SNTG2: variants seen among roughly 807,000 people sequenced by gnomAD.
The protein encoded by SNTG2 is gamma-2-syntrophin.
SNTG2 carries 74 observed loss-of-function variants against 70.9 expected under a neutral mutation model. The observed-to-expected ratio is 1.04, with a 90% confidence interval of 0.86 to 1.27. The LOEUF is 1.27. SNTG2 is among the 50% of genes most tolerant of loss of function. The pLI is 0.00. For missense variants in SNTG2, 717 were observed against 690.7 expected, an observed-to-expected ratio of 1.04 and a Z score of -0.43; for synonymous variants, 278 against 273.8, an observed-to-expected ratio of 1.02 and a Z score of -0.15.
chr2:1,051,328 C>T (rs1004813015), intron 1 of SNTG2, among the ~76,000 whole-genome samples: 7 of 152,110 alleles, frequency 4.6e-5, no homozygotes, highest in East Asian at 3.9e-4. Flanking sequence ...TCAAGCTTTA[C>T]GCTGAGTATG....
At chr2:1,152,578 G>A (rs548533130) in intron 6 of SNTG2, among the ~76,000 whole-genome samples, 1 of 5,026 alleles carries the variant, frequency 2.0e-4, no homozygotes, top group Admixed American at 3.1e-3. Context: ...ACATGTGCAT[G>A]TGTGTGTGTG....
intron 8 of SNTG2, among the ~76,000 whole-genome samples, chr2:1,178,224 G>C (rs1572654792): frequency 6.6e-6 from 1 of 152,234 alleles, no homozygotes; most frequent in East Asian, 1.9e-4. Context: ...GGGTTTTCTA[G>C]ATATACAATC....
rs530178230 is a variant in SNTG2, at chr2:998,408, T to C, written c.72+47340T>C. Among the ~76,000 whole-genome samples, 123 of 151,476 alleles carry C rather than the reference T, an allele frequency of 8.1e-4. 1 individual carries two copies. The highest frequency in any genetic ancestry group is 1.6e-4 in the Non-Finnish European group (11 of 67,824). On this transcript the variant is annotated intron_variant, in intron 1 of 16. Coordinates refer to ENST00000308624, the MANE Select transcript of SNTG2 (RefSeq NM_018968.4). ...ACAACAGAAAGAAATCGGAAAAAAA[T>C]CAAATTAGGACATGAAGGAAAAATT...
intron 13 of SNTG2, among the ~76,000 whole-genome samples, chr2:1,266,466 T>C (rs1678740696): frequency 6.6e-6 from 1 of 152,208 alleles, no homozygotes; most frequent in Non-Finnish European, 1.5e-5. Context: ...GTTAAACGAT[T>C]AACCAGAAAT....
intron 6 of SNTG2, among the ~76,000 whole-genome samples, chr2:1,159,713 G>T (rs1670148455): frequency 6.6e-6 from 1 of 152,180 alleles, no homozygotes; most frequent in Non-Finnish European, 1.5e-5. Flanking sequence ...AAAAAAGAAA[G>T]AAATAATAAA....
Position 1,196,735 on chromosome 2 carries a change from C to A in SNTG2, c.592-12368C>A, listed in dbSNP as rs1221021866. Among the ~76,000 whole-genome samples, 4 of 151,858 alleles carry A rather than the reference C, an allele frequency of 2.6e-5. No homozygotes were observed. In the South Asian group the frequency reaches 8.3e-4, roughly 32 times the overall value. On this transcript the variant is annotated intron_variant, in intron 8 of 16. Transcript: ENST00000308624. ...AAAATGAGATGATACATTCAAAGTACTAAAAGAAAAAAAACACTTCTAGCC... is the reference window on the plus strand; with the variant it reads ...AAAATGAGATGATACATTCAAAGTAATAAAAGAAAAAAAACACTTCTAGCC...
chr2:1,193,519 A>C (rs1223710945), intron 8 of SNTG2, among the ~76,000 whole-genome samples: 1 of 152,236 alleles, frequency 6.6e-6, no homozygotes, highest in Non-Finnish European at 1.5e-5. Flanking sequence ...ACTGAAAAGT[A>C]AATCATTTAA....
intron 1 of SNTG2, among the ~76,000 whole-genome samples, chr2:1,034,328 A>G (rs946660882): frequency 6.6e-6 from 1 of 152,208 alleles, no homozygotes; most frequent in Non-Finnish European, 1.5e-5. Context: ...GTGTATATGT[A>G]CAACATTTTC....
intron 9 of SNTG2, among the ~76,000 whole-genome samples, chr2:1,222,473 T>C (rs62107206): frequency 0.13 from 17,073 of 128,998 alleles, 1,007 homozygotes; most frequent in African/African-American, 0.15. Flanking sequence ...AGGTGCTGGA[T>C]CGCTGTAGAG....
At chr2:1,150,193 G>C in intron 6 of SNTG2, among the ~76,000 whole-genome samples, 1 of 152,164 alleles carries the variant, frequency 6.6e-6, no homozygotes, top group Admixed American at 6.5e-5. Context: ...CCTGGTGGAG[G>C]TCTGTGTGGA....
rs1035675636 is a variant in SNTG2, at chr2:1,235,215, G to A, written c.720-2673G>A. Among the ~76,000 whole-genome samples the A allele has an allele frequency of 2.8e-5, 4 of 142,986 alleles. No homozygotes were observed. The East Asian group carries it at 8.7e-4, about 31-fold the overall frequency. 93.8% of individuals were successfully genotyped at this position (142,986 alleles called of 152,430 possible). On this transcript the variant is annotated intron_variant, in intron 9 of 16. Coordinates refer to ENST00000308624, the MANE Select transcript of SNTG2 (RefSeq NM_018968.4). ...CTGAGGTCCCTACAGGCCCCACCAG[G>A]CACCCCCGATTCATGAGAGGGGGCG...
chr2:1,116,337 G>A (rs1407101418), intron 4 of SNTG2, among the ~76,000 whole-genome samples: 1 of 152,228 alleles, frequency 6.6e-6, no homozygotes, highest in East Asian at 1.9e-4. Flanking sequence ...TGCCAGGGAA[G>A]CAGGTGTGAA....
intron 16 of SNTG2, among the ~76,000 whole-genome samples, chr2:1,363,173 A>G (rs1252098989): frequency 2.0e-5 from 3 of 148,746 alleles, no homozygotes; most frequent in Non-Finnish European, 3.0e-5. Context: ...CCTGATAACA[A>G]GAAGTACCAC....
At chr2:962,229 A>G (rs1249792274) in intron 1 of SNTG2, among the ~76,000 whole-genome samples, 1 of 152,144 alleles carries the variant, frequency 6.6e-6, no homozygotes, top group African/African-American at 2.4e-5. Context: ...ACATGCCACT[A>G]TCCCGGCTAA....
chr2:1,137,394 C>T (rs768321600), intron 4 of SNTG2, among the ~76,000 whole-genome samples: 4 of 150,828 alleles, frequency 2.7e-5, no homozygotes, highest in Non-Finnish European at 5.9e-5. Flanking sequence ...CACTCAGACT[C>T]GCAAATACCC....
At chr2:1,063,187 T>A (rs1662934833) in intron 1 of SNTG2, among the ~76,000 whole-genome samples, 1 of 152,180 alleles carries the variant, frequency 6.6e-6, no homozygotes, top group South Asian at 2.1e-4. Context: ...TACTTTTTTT[T>A]AAAATTCGTA....
chr2:1,296,301 C>T (rs751677031), intron 14 of SNTG2, among the ~76,000 whole-genome samples: 11 of 152,222 alleles, frequency 7.2e-5, no homozygotes, highest in Non-Finnish European at 1.5e-4. Flanking sequence ...TGTTAAATAA[C>T]GGTATATTTA....
intron 6 of SNTG2, among the ~76,000 whole-genome samples, chr2:1,155,986 G>C (rs1453369827): frequency 6.6e-6 from 1 of 152,154 alleles, no homozygotes; most frequent in African/African-American, 2.4e-5. Context: ...AGAAGGCCAG[G>C]CCAGGCCAGG....
chr2:955,339 C>T (rs915478932), intron 1 of SNTG2, among the ~76,000 whole-genome samples: 1 of 152,178 alleles, frequency 6.6e-6, no homozygotes, highest in African/African-American at 2.4e-5. Flanking sequence ...GATGATGGCA[C>T]CGAATCGTGT....
Sources: gnomAD v4.1 joint callset for allele counts (sites outside exome capture counted in the v4.1 genomes callset) on GRCh38, gnomAD v4.1.1 for gene constraint, MANE v1.5 for transcripts, NCBI Gene and HGNC (gene_info 2026-07-23, HGNC 2026-07-21) for gene names.